Variants in CNIH3 observed in about 807,000 individuals in gnomAD.
CNIH3 encodes the protein protein cornichon homolog 3.
CNIH3 carries 14 observed loss-of-function variants against 24.1 expected under a neutral mutation model. That is an observed-to-expected ratio of 0.58 (90% confidence interval 0.38 to 0.91). CNIH3 has a LOEUF of 0.91. CNIH3 is among the 40% of genes least tolerant of loss of function. CNIH3 has a pLI of 0.00. For synonymous variants in CNIH3, 68 were observed against 73.8 expected, an observed-to-expected ratio of 0.92 and a Z score of 0.40; for missense variants, 178 against 196.8, an observed-to-expected ratio of 0.90 and a Z score of 0.57.
intron 3 of CNIH3, among the ~76,000 whole-genome samples, chr1:224,558,692 A>T (rs1680241684): frequency 6.6e-6 from 1 of 152,194 alleles, no homozygotes; most frequent in Non-Finnish European, 1.5e-5. Context: ...GGGAGTGGTG[A>T]CAAAGTCACA....
chr1:224,643,624 C>T (rs1157218584), intron 1 of CNIH3, among the ~76,000 whole-genome samples: 1 of 152,126 alleles, frequency 6.6e-6, no homozygotes, highest in Non-Finnish European at 1.5e-5. Flanking sequence ...GGATCCTCGT[C>T]ACACAGCCAC....
At chr1:224,671,034 G>A (rs987770200) in intron 1 of CNIH3, among the ~76,000 whole-genome samples, 1 of 152,244 alleles carries the variant, frequency 6.6e-6, no homozygotes, top group Non-Finnish European at 1.5e-5. Flanking sequence ...GAGCAAGAGG[G>A]AATTCTGTCA....
At chr1:224,610,896 C>T (rs538302347) in intron 3 of CNIH3, among the ~76,000 whole-genome samples, 1 of 152,288 alleles carries the variant, frequency 6.6e-6, no homozygotes, top group African/African-American at 2.4e-5. Context: ...CACTGTCTCT[C>T]TTATACACCA....
chr1:224,486,159 G>A (rs1677021230), intron 1 of CNIH3, among the ~76,000 whole-genome samples: 1 of 152,144 alleles, frequency 6.6e-6, no homozygotes. Context: ...AGGCTGAAAT[G>A]CAATGGTGTG....
chr1:224,571,780 C>G (rs1272599585), intron 4 of CNIH3, among the ~76,000 whole-genome samples: 3 of 152,080 alleles, frequency 2.0e-5, no homozygotes, highest in Non-Finnish European at 4.4e-5. Context: ...GGGGCACTGA[C>G]TGGGACCTGC....
intron 2 of CNIH3, among the ~76,000 whole-genome samples, chr1:224,536,618 T>C (rs917667437): frequency 6.6e-6 from 1 of 152,132 alleles, no homozygotes; most frequent in East Asian, 1.9e-4. Context: ...TGGGAAATGC[T>C]AAGTCATAAT....
intron 3 of CNIH3, among the ~76,000 whole-genome samples, chr1:224,707,084 C>T (rs1340358992): frequency 6.6e-6 from 1 of 151,204 alleles, no homozygotes; most frequent in Admixed American, 6.6e-5. Context: ...CCATCTCAGC[C>T]TCCTGAGTAG....
At chr1:224,528,365 G>C (rs1678927037) in intron 2 of CNIH3, among the ~76,000 whole-genome samples, 1 of 152,166 alleles carries the variant, frequency 6.6e-6, no homozygotes, top group Non-Finnish European at 1.5e-5. Flanking sequence ...ATATTGTACA[G>C]GTTGGAGTGC....
chr1:224,735,723 C>T (rs572965884), intron 5 of CNIH3, among the ~76,000 whole-genome samples: 9 of 152,192 alleles, frequency 5.9e-5, no homozygotes, highest in African/African-American at 1.4e-4. Context: ...GTGGTGCCAT[C>T]GCTGCTCACT....
chr1:224,473,559 CA>C (rs1474447783), intron 1 of CNIH3, among the ~76,000 whole-genome samples: 7 of 152,044 alleles, frequency 4.6e-5, no homozygotes, highest in Non-Finnish European at 5.9e-5. Flanking sequence ...ACAAAAAGGT[CA>C]TTATATAATG....
At chr1:224,545,416 CTCA>C (rs2124956052) in intron 2 of CNIH3, among the ~76,000 whole-genome samples, 1 of 152,256 alleles carries the variant, frequency 6.6e-6, no homozygotes, top group East Asian at 1.9e-4. Flanking sequence ...TAGATGAGTT[CTCA>C]TCATCTTTAA....
upstream of CNIH3, among the ~76,000 whole-genome samples, chr1:224,512,190 G>T (rs540617495): frequency 6.8e-6 from 1 of 146,946 alleles, no homozygotes; most frequent in East Asian, 2.0e-4. Flanking sequence ...AAAAAAAAAA[G>T]TTTGGAGCTA....
At chr1:224,732,903 A>T (rs1033585631) in intron 4 of CNIH3, among the ~76,000 whole-genome samples, 5 of 152,110 alleles carry the variant, frequency 3.3e-5, no homozygotes, top group African/African-American at 1.2e-4. Flanking sequence ...CCCTGACAGG[A>T]TCTAGTCTAG....
chr1:224,513,325 T>A (rs1036755156), upstream of CNIH3, among the ~76,000 whole-genome samples: 3 of 136,046 alleles, frequency 2.2e-5, no homozygotes, highest in African/African-American at 8.1e-5. Context: ...ATTTTTTTTT[T>A]TAATTTTTGT....
chr1:224,577,147 G>A (rs573749606), intron 4 of CNIH3, among the ~76,000 whole-genome samples: 110 of 152,252 alleles, frequency 7.2e-4, no homozygotes, highest in Middle Eastern at 3.4e-3. Flanking sequence ...CTAGACATTG[G>A]CTTAGGCAAG....
intron 5 of CNIH3, among the ~76,000 whole-genome samples, chr1:224,737,982 A>T (rs1689681424): frequency 6.6e-6 from 1 of 152,060 alleles, no homozygotes; most frequent in East Asian, 1.9e-4. Context: ...AAGTAGTAGG[A>T]CCACCCTCCT....
chr1:224,633,698 C>A (rs752428372), intron 1 of CNIH3, among the ~76,000 whole-genome samples: 1 of 152,148 alleles, frequency 6.6e-6, no homozygotes, highest in Non-Finnish European at 1.5e-5. Flanking sequence ...CTCCAGGCAT[C>A]CTTTTAATCT....
intron 1 of CNIH3, among the ~76,000 whole-genome samples, chr1:224,642,844 T>C (rs1253267006): frequency 6.6e-6 from 1 of 152,210 alleles, no homozygotes; most frequent in Non-Finnish European, 1.5e-5. Flanking sequence ...ATCGAAAGCA[T>C]GGTCTTATGA....
chr1:224,671,577 C>G (rs1035166522), intron 1 of CNIH3, among the ~76,000 whole-genome samples: 2 of 152,218 alleles, frequency 1.3e-5, no homozygotes, highest in African/African-American at 4.8e-5. Context: ...CCAGGTAGCC[C>G]TGGACATTGC....
Sources: gnomAD v4.1 joint callset for allele counts (sites outside exome capture counted in the v4.1 genomes callset) on GRCh38, gnomAD v4.1.1 for gene constraint, MANE v1.5 for transcripts, NCBI Gene and HGNC (gene_info 2026-07-23, HGNC 2026-07-21) for gene names.